The following CRY2 variants were observed in gnomAD, a reference collection of about 807,000 sequenced individuals.
CRY2 encodes cryptochrome-2.
A neutral mutation model predicts 69.5 loss-of-function variants in CRY2; 31 were observed. That is an observed-to-expected ratio of 0.45 (90% CI 0.34 to 0.60). The LOEUF is 0.60. Ranked by LOEUF, CRY2 falls within the 20% of genes least tolerant of loss-of-function variation. The probability of loss-of-function intolerance (pLI) is 0.02; values close to 1 mark genes in which losing one functional copy is unlikely to be tolerated. For missense variants in CRY2, 606 were observed against 797.8 expected (o/e 0.76, Z 2.90); for synonymous variants, 303 against 312.2 (o/e 0.97, Z 0.31).
rs535769127 is a variant in CRY2 at position 45,860,910 on chromosome 11, G to T, written c.530G>T (p.Ser177Ile). The T allele has an allele frequency of 6.2e-7, 1 of 1,614,170 alleles. No homozygotes were observed. Among genetic ancestry groups the T allele is most frequent in the South Asian group, 1.1e-5 (1 of 91,080 alleles). Reference protein sequence around the residue: ...LTYKRFQAIISRMELPKKPVG... With the variant: ...LTYKRFQAIIIRMELPKKPVG... The stretch of plus-strand genomic sequence containing the variant: ...TACAAGCGCTTTCAGGCCATCATCA[G>T]CCGCATGGAGCTGCCCAAGAAGCCA... The change falls in exon 4 of 12, where the codon AGC becomes ATC. Residue 177 changes from serine to isoleucine, a missense_variant. By Grantham distance (142) the Ser-to-Ile change is moderately radical. Transcript: ENST00000616080.
In CRY2 at chr11:45,881,762, G is replaced by A. The variant is rs992091524; in HGVS notation, c.*851G>A. The A allele has an allele frequency of 6.6e-6, 1 of 152,272 alleles. No homozygotes were observed. The highest frequency in any genetic ancestry group is 2.4e-5 in the African/African-American group (1 of 41,466). 9.4% of individuals were successfully genotyped at this position (152,272 alleles called of 1,614,324 possible). A position where few individuals can be genotyped will look rare whatever the true frequency, so the allele number is the denominator to read the frequency against. ...CTACCCAGGAGCTGTGAAGGGGCAA[G>A]GGTCAAACTGACTCACTCTACCAGG... On this transcript the variant is annotated 3_prime_UTR_variant, in exon 12 of 12. Coordinates refer to ENST00000616080, the MANE Select transcript of CRY2 (RefSeq NM_021117.5).
At chr11:45,867,578 C>G in intron 5 of CRY2, 34 bp from the exon 6 acceptor site, 4 of 1,613,732 alleles carry the variant, frequency 2.5e-6, no homozygotes, top group Non-Finnish European at 3.4e-6. Flanking sequence ...TACATCCAAG[C>G]CTTTCCTTTT....
intron 2 of CRY2, 23 bp from the exon 3 acceptor site, chr11:45,858,708 C>A: frequency 6.2e-7 from 1 of 1,607,488 alleles, no homozygotes; most frequent in South Asian, 1.1e-5. Flanking sequence ...CAGTGTTGAG[C>A]ATAACAGATC....
At chr11:45,855,930 A>G (rs1697702899) in intron 1 of CRY2, 52 bp from the exon 2 acceptor site, 4 of 1,447,132 alleles carry the variant, frequency 2.8e-6, no homozygotes, top group Non-Finnish European at 3.9e-6. Flanking sequence ...GTTAGGAAAG[A>G]GAGCCACTCT....
intron 11 of CRY2, among the ~76,000 whole-genome samples, chr11:45,877,839 A>G (rs2134652200): frequency 6.6e-6 from 1 of 152,354 alleles, no homozygotes; most frequent in South Asian, 2.1e-4. Context: ...CTGATCAAGC[A>G]GCTCGAGTAA....
chr11:45,858,835 A>C lies in CRY2; in HGVS notation c.429A>C (p.Val143=), dbSNP rs770946779. Residue 143 remains valine (V), a synonymous_variant, in exon 3 of 12, where the codon GTA becomes GTC. Coordinates refer to ENST00000616080, the MANE Select transcript of CRY2 (RefSeq NM_021117.5). ...MKMAKEAGVE[V]VTENSHTLYD... Reference sequence around the variant, plus strand: ...TGGCCAAGGAGGCTGGTGTGGAAGTAGTGACGGAGAATTCTCATACCCTCT... The same window carrying C: ...TGGCCAAGGAGGCTGGTGTGGAAGTCGTGACGGAGAATTCTCATACCCTCT... 91 of 1,614,090 alleles carry C rather than the reference A, an allele frequency of 5.6e-5. No individual in the cohort carries two copies. The highest frequency in any genetic ancestry group is 7.1e-5 in the Non-Finnish European group (84 of 1,180,040).
At chr11:45,872,565 G>A in intron 11 of CRY2, among the ~76,000 whole-genome samples, 1 of 151,972 alleles carries the variant, frequency 6.6e-6, no homozygotes, top group East Asian at 1.9e-4. Context: ...AACCAACATA[G>A]TGAGACTCCA....
At chr11:45,862,437 T>C (rs1169340429) in intron 5 of CRY2, among the ~76,000 whole-genome samples, 2 of 152,224 alleles carry the variant, frequency 1.3e-5, no homozygotes, top group Non-Finnish European at 2.9e-5. Context: ...CTGTTCATTC[T>C]ACAGATTACA....
chr11:45,847,662 C>G lies in CRY2; in HGVS notation c.172C>G (p.Pro58Ala). Residue 58 changes from proline to alanine, a missense_variant, in exon 1 of 12, where the codon CCG becomes GCG. By Grantham distance (27) the Pro-to-Ala change is conservative. This residue lies in a region of CRY2 where 382 missense variants were observed against 508.9 expected (regional missense o/e 0.75). Coordinates refer to ENST00000616080, the MANE Select transcript of CRY2 (RefSeq NM_021117.5). The stretch of plus-strand genomic sequence containing the variant: ...CGTGCGCTGCGTTTACATTCTCGAC[C>G]CGTGGTTCGCGGCCTCCTCCTCAGT... Reference protein sequence around the residue: ...RCVRCVYILDPWFAASSSVGI... With the variant: ...RCVRCVYILDAWFAASSSVGI... 2 of 1,592,406 alleles carry G rather than the reference C, an allele frequency of 1.3e-6. No homozygotes were observed. The highest frequency in any genetic ancestry group is 1.7e-6 in the Non-Finnish European group (2 of 1,170,204).
chr11:45,873,973 G>T (rs1590772526), intron 11 of CRY2, among the ~76,000 whole-genome samples: 1 of 152,176 alleles, frequency 6.6e-6, no homozygotes, highest in East Asian at 1.9e-4. Context: ...TTAGGTTGCT[G>T]TTGCAAGAAT....
chr11:45,861,167 T>G, intron 4 of CRY2, 135 bp downstream of exon 4: 1 of 921,356 alleles, frequency 1.1e-6, no homozygotes. Context: ...GCAGTCACTA[T>G]TACTCCACCA....
intron 11 of CRY2, among the ~76,000 whole-genome samples, chr11:45,875,685 T>G (rs1389069473): frequency 6.6e-6 from 1 of 151,928 alleles, no homozygotes; most frequent in Non-Finnish European, 1.5e-5. Flanking sequence ...GGATCTGGGG[T>G]GGTGCAGACT....
intron 11 of CRY2, among the ~76,000 whole-genome samples, chr11:45,872,667 T>G (rs1032615245): frequency 2.7e-4 from 41 of 152,174 alleles, no homozygotes; most frequent in Admixed American, 1.6e-3. Flanking sequence ...ATTCTGACTT[T>G]TATCAGAGAT....
intron 11 of CRY2, among the ~76,000 whole-genome samples, chr11:45,877,979 A>G (rs745824204): frequency 7.2e-5 from 11 of 152,252 alleles, no homozygotes; most frequent in Non-Finnish European, 1.0e-4. Flanking sequence ...ATCTGAGTCC[A>G]GGACACTGCC....
chr11:45,870,115 G>C lies in CRY2; in HGVS notation c.1257G>C (p.Leu419=). 1 of 1,613,714 alleles carries C rather than the reference G, an allele frequency of 6.2e-7. No homozygotes were observed. Among genetic ancestry groups the C allele is most frequent in the Non-Finnish European group, 8.5e-7 (1 of 1,179,862 alleles). The change falls in exon 8 of 12, where the codon CTG becomes CTC. Residue 419 remains leucine, a synonymous_variant. Coordinates refer to ENST00000616080, the MANE Select transcript of CRY2 (RefSeq NM_021117.5). ...FSVNAGSWMW[L]SCSAFFQQFF... ...TGAACGCAGGCAGCTGGATGTGGCT[G>C]TCCTGCAGTGCTTTCTTCCAGCAGT...
At position 45,853,807 on chromosome 11, in the gene CRY2, G is replaced by A. The variant is rs150366380; in HGVS notation, c.216-2175G>A. 1.3e-4 allele frequency among the ~76,000 whole-genome samples: 20 copies of A among 152,312 alleles called. No homozygotes were observed. The East Asian group carries it at 1.3e-3, about 10-fold the overall frequency. Reference sequence around the variant, plus strand: ...CTTGGGGGAGGCCAACACAAGTGACGCACTTGCAGCTCCCTGTTCCTTTTC... The same window carrying A: ...CTTGGGGGAGGCCAACACAAGTGACACACTTGCAGCTCCCTGTTCCTTTTC... On this transcript the variant is annotated intron_variant, in intron 1 of 11. Coordinates refer to ENST00000616080, the MANE Select transcript of CRY2 (RefSeq NM_021117.5).
intron 11 of CRY2, among the ~76,000 whole-genome samples, chr11:45,878,773 A>C (rs2086443530): frequency 1.3e-5 from 2 of 149,056 alleles, no homozygotes; most frequent in Non-Finnish European, 3.0e-5. Context: ...AAGTACAAAA[A>C]TTAGTTGTGG....
intron 11 of CRY2, among the ~76,000 whole-genome samples, chr11:45,874,022 C>T (rs1320456828): frequency 6.6e-6 from 1 of 152,156 alleles, no homozygotes; most frequent in Non-Finnish European, 1.5e-5. Context: ...TGGCTCATGC[C>T]TATAATCCCA....
Position 45,870,332 on chromosome 11 carries a change from G to A in CRY2, c.1349G>A (p.Arg450Gln), listed in dbSNP as rs760645481. 9 of 1,614,132 alleles carry A rather than the reference G, an allele frequency of 5.6e-6. No homozygotes were observed. The highest frequency in any genetic ancestry group is 2.2e-5 in the East Asian group (1 of 44,882). ...TCATCTGGTGTATCTTATTTCAGGCGATACCTGCCCAAATTGAAAGCGTTC... is the reference window on the plus strand; with the variant it reads ...TCATCTGGTGTATCTTATTTCAGGCAATACCTGCCCAAATTGAAAGCGTTC... ...RTDPSGDYIR[R>Q]YLPKLKAFPS... Residue 450 changes from arginine (R) to glutamine (Q), a missense_variant and splice_region_variant, in exon 9 of 12, where the codon CGA (arginine) becomes CAA (glutamine). Transcript: ENST00000616080.
Sources: gnomAD v4.1 joint callset for allele counts (sites outside exome capture counted in the v4.1 genomes callset) on GRCh38, gnomAD v4.1.1 for gene constraint, gnomAD v4.1.1 regional missense constraint, MANE v1.5 for transcripts, NCBI Gene and HGNC (gene_info 2026-07-23, HGNC 2026-07-21) for gene names.